FXYD2: variants seen among roughly 807,000 people sequenced by gnomAD.
FXYD2 encodes the protein sodium/potassium-transporting ATPase subunit gamma.
FXYD2 carries 8 observed loss-of-function variants against 11.8 expected under a neutral mutation model. The ratio of observed to expected loss-of-function variants is 0.68; its 90% CI spans 0.40 to 1.22. FXYD2 has a LOEUF of 1.22. Ranked by LOEUF, FXYD2 falls within the 50% of genes most tolerant of loss-of-function variation. FXYD2 has a pLI of 0.01. For missense variants in FXYD2, 92 were observed against 91.8 expected (o/e 1.00, Z -0.01); for synonymous variants, 42 against 33.3 (o/e 1.26, Z -0.90).
upstream of FXYD2, among the ~76,000 whole-genome samples, chr11:117,827,073 T>C (rs1003974257): frequency 1.5e-4 from 19 of 126,372 alleles, no homozygotes; most frequent in Non-Finnish European, 8.2e-5. Flanking sequence ...GATGGATAGA[T>C]AGATAAATAG....
upstream of FXYD2, among the ~76,000 whole-genome samples, chr11:117,826,146 T>A (rs1378471552): frequency 1.3e-5 from 2 of 152,096 alleles, no homozygotes; most frequent in African/African-American, 4.8e-5. Context: ...TGTGTGTTGA[T>A]TGAAGAAATG....
rs939468392 is a variant in FXYD2 at position 117,824,559 on chromosome 11, G to A, written c.25+95C>T. On this transcript the variant is annotated intron_variant, in intron 1 of 5. Transcript: ENST00000292079. This position sits in a 1 kb window ranked among gnomAD's most constrained non-coding sequence, Gnocchi z 4.0. ...ACTCTGGAAGGCTGAGGTGGCAGGAGAGGGAAGAGTAGGGTCCAGCTGACC... is the reference window on the plus strand; with the variant it reads ...ACTCTGGAAGGCTGAGGTGGCAGGAAAGGGAAGAGTAGGGTCCAGCTGACC... The A allele has an allele frequency of 4.8e-5, 47 of 986,764 alleles. No homozygotes were observed. The highest frequency in any genetic ancestry group is 6.6e-5 in the Non-Finnish European group (41 of 616,808). 61.1% of individuals were successfully genotyped at this position (986,764 alleles called of 1,614,324 possible). A position where few individuals can be genotyped will look rare whatever the true frequency, so the allele number is the denominator to read the frequency against.
upstream of FXYD2, among the ~76,000 whole-genome samples, chr11:117,825,132 G>A (rs1308612277): frequency 6.6e-6 from 1 of 152,214 alleles, no homozygotes; most frequent in Non-Finnish European, 1.5e-5. Flanking sequence ...CACCATGGAT[G>A]CCGCCGCTGC....
At position 117,822,198 on chromosome 11, in the gene FXYD2, A is replaced by C. The variant is rs1001652061; in HGVS notation, c.139+208T>G. 13 of 1,456,520 alleles carry C rather than the reference A, an allele frequency of 8.9e-6. No individual in the cohort carries two copies. Among genetic ancestry groups the C allele is most frequent in the Non-Finnish European group, 1.2e-5 (13 of 1,103,174 alleles). 90.2% of individuals were successfully genotyped at this position (1,456,520 alleles called of 1,614,324 possible). A position where few individuals can be genotyped will look rare whatever the true frequency, so the allele number is the denominator to read the frequency against. ...CTGCGGCTCCTCCCGGGCCCACTGGAGGGTGCACTTGAGCAAGCAGGAACC... is the reference window on the plus strand; with the variant it reads ...CTGCGGCTCCTCCCGGGCCCACTGGCGGGTGCACTTGAGCAAGCAGGAACC... On this transcript the variant is annotated intron_variant, in intron 3 of 5. Transcript: ENST00000292079. This position sits in a 1 kb window ranked among gnomAD's most constrained non-coding sequence, Gnocchi z 4.7.
upstream of FXYD2, among the ~76,000 whole-genome samples, chr11:117,825,690 AGGCAGCCTCCCCACTCC>A (rs2056022415): frequency 6.6e-6 from 1 of 152,124 alleles, no homozygotes; most frequent in South Asian, 2.1e-4. Flanking sequence ...CACACCTCGC[AGGCAGCCTCCCCACTCC>A]GCTGTGACCT....
chr11:117,822,918 A>T lies in FXYD2; in HGVS notation c.26-201T>A, dbSNP rs952384889. 6.6e-6 allele frequency among the ~76,000 whole-genome samples: 1 copy of T among 151,994 alleles called. No individual in the cohort carries two copies. Among genetic ancestry groups the T allele is most frequent in the Admixed American group, 6.5e-5 (1 of 15,268 alleles). On this transcript the variant is annotated intron_variant, in intron 1 of 5. Coordinates refer to ENST00000292079, the MANE Select transcript of FXYD2 (RefSeq NM_001680.5). This position sits in a 1 kb window ranked among gnomAD's most constrained non-coding sequence, Gnocchi z 4.7. Reference sequence around the variant, plus strand: ...CGGCTTCAGACACGCTCAACTGGGGACCAAATACCGAGTGTCCGAGGGGGA... The same window carrying T: ...CGGCTTCAGACACGCTCAACTGGGGTCCAAATACCGAGTGTCCGAGGGGGA...
chr11:117,826,242 AC>A (rs1375395253), upstream of FXYD2, among the ~76,000 whole-genome samples: 1 of 152,218 alleles, frequency 6.6e-6, no homozygotes, highest in African/African-American at 2.4e-5. Context: ...AATGAGTGAG[AC>A]GGAGAGAATG....
upstream of FXYD2, among the ~76,000 whole-genome samples, chr11:117,826,802 A>G (rs548329760): frequency 4.8e-5 from 7 of 144,872 alleles, no homozygotes; most frequent in Non-Finnish European, 1.1e-4. Context: ...CTATCTATCT[A>G]TCTATCTATC....
Position 117,820,853 on chromosome 11 carries a change from G to A in FXYD2, c.176+6C>T, listed in dbSNP as rs368170451. 33 of 1,612,360 alleles carry A rather than the reference G, an allele frequency of 2.0e-5. No homozygotes were observed. The highest frequency in any genetic ancestry group is 1.2e-4 in the African/African-American group (9 of 74,160). On this transcript the variant is annotated splice_donor_region_variant and intron_variant, in intron 4 of 5. Coordinates refer to ENST00000292079, the MANE Select transcript of FXYD2 (RefSeq NM_001680.5). ...CCCCTCATCGGTCACCCCAGGCAGC[G>A]CTCACCTGCGCTTCTTATTGCCCCC...
chr11:117,825,716 C>G (rs1409820605), upstream of FXYD2, among the ~76,000 whole-genome samples: 2 of 152,152 alleles, frequency 1.3e-5, no homozygotes, highest in Non-Finnish European at 2.9e-5. Flanking sequence ...CCGCTGTGAC[C>G]TCCTTCGCCC....
At chr11:117,821,084 T>C (rs910637865) in intron 3 of FXYD2, among the ~76,000 whole-genome samples, 189 bp from the exon 4 acceptor site, 3 of 152,088 alleles carry the variant, frequency 2.0e-5, no homozygotes, top group Admixed American at 6.6e-5. Flanking sequence ...TGAGACGGGG[T>C]CTTACTCTGT....
In FXYD2 at chr11:117,824,479, T is replaced by A. The variant is rs1350856554; in HGVS notation, c.25+175A>T. 7.4e-6 allele frequency: 5 copies of A among 676,040 alleles called. No homozygotes were observed. Among genetic ancestry groups the A allele is most frequent in the Non-Finnish European group, 1.4e-5 (5 of 368,278 alleles). The allele number at this position is 676,040 out of a possible 1,614,324, so 41.9% of individuals were successfully genotyped here. A position where few individuals can be genotyped will look rare whatever the true frequency, so the allele number is the denominator to read the frequency against. On this transcript the variant is annotated intron_variant, in intron 1 of 5. Coordinates refer to ENST00000292079, the MANE Select transcript of FXYD2 (RefSeq NM_001680.5). This position sits in a 1 kb window ranked among gnomAD's most constrained non-coding sequence, Gnocchi z 4.0. The stretch of plus-strand genomic sequence containing the variant: ...TTTCTTTGGGGTTAAAGCAGGGTCC[T>A]CCTTTAAGTTGCAAATTTTCTTAGA...
chr11:117,824,492 A>G lies in FXYD2; in HGVS notation c.25+162T>C. ...AAAGCAGGGTCCTCCTTTAAGTTGCAAATTTTCTTAGAGAGGAGGCCGACA... is the reference window on the plus strand; with the variant it reads ...AAAGCAGGGTCCTCCTTTAAGTTGCGAATTTTCTTAGAGAGGAGGCCGACA... On this transcript the variant is annotated intron_variant, in intron 1 of 5. Transcript: ENST00000292079. The surrounding 1 kb of genome is among the most constrained non-coding windows in gnomAD (Gnocchi z 4.0). 2.9e-6 allele frequency: 2 copies of G among 698,188 alleles called. No individual in the cohort carries two copies. The highest frequency in any genetic ancestry group is 5.2e-6 in the Non-Finnish European group (2 of 382,118). The allele number at this position is 698,188 out of a possible 1,614,324, so 43.2% of individuals were successfully genotyped here.
chr11:117,825,857 C>T (rs528322812), upstream of FXYD2, among the ~76,000 whole-genome samples: 3 of 152,318 alleles, frequency 2.0e-5, 1 homozygote, highest in East Asian at 3.9e-4. Context: ...CAGCGGACAG[C>T]AGGGGAGCTT....
rs773683745 is a variant in FXYD2 at position 117,822,689 on chromosome 11, C to G, written c.54G>C (p.Pro18=). ...GGGGCCCAGGCTTACCATAGTAGAA[C>G]GGGTCCACGTCCCCCTTGGGGCTGC... The part of the protein sequence containing the change: ...GGGSPKGDVD[P]FYYDYETVRN... Residue 18 remains proline, a synonymous_variant, in exon 2 of 6, where the codon CCG becomes CCC. Coordinates refer to ENST00000292079, the MANE Select transcript of FXYD2 (RefSeq NM_001680.5). This position sits in a 1 kb window ranked among gnomAD's most constrained non-coding sequence, Gnocchi z 4.7. 1.2e-6 allele frequency: 2 copies of G among 1,610,472 alleles called. No individual in the cohort carries two copies. The highest frequency in any genetic ancestry group is 1.1e-5 in the South Asian group (1 of 89,898).
chr11:117,822,020 G>A lies in FXYD2; in HGVS notation c.139+386C>T, dbSNP rs2055917719. On this transcript the variant is annotated intron_variant, in intron 3 of 5. Transcript: ENST00000292079. This position sits in a 1 kb window ranked among gnomAD's most constrained non-coding sequence, Gnocchi z 4.7. ...CCGTTCTCAGAGCGCTGTCCTGACT[G>A]CCATGTCTTTGGATGCTAGCCCTAA... 1 of 1,195,362 alleles carries A rather than the reference G, an allele frequency of 8.4e-7. No individual in the cohort carries two copies. Among genetic ancestry groups the A allele is most frequent in the Non-Finnish European group, 1.1e-6 (1 of 949,638 alleles). 74.0% of individuals were successfully genotyped at this position (1,195,362 alleles called of 1,614,324 possible).
At chr11:117,828,062 C>T (rs188436480), upstream of FXYD2, 23 of 1,550,048 alleles carry the variant, frequency 1.5e-5, no homozygotes, top group Admixed American at 4.3e-4. Flanking sequence ...CAGGGAGGTG[C>T]TGCTTGCCTG....
chr11:117,824,924 C>G (rs1325110849), upstream of FXYD2, among the ~76,000 whole-genome samples: 3 of 152,166 alleles, frequency 2.0e-5, no homozygotes, highest in African/African-American at 7.2e-5. This position sits in a 1 kb window ranked among gnomAD's most constrained non-coding sequence, Gnocchi z 4.0. Context: ...CCAAACCTTC[C>G]CAAAGGAAAT....
rs1347618976 is a variant in FXYD2, at chr11:117,822,608, C to A, written c.64+71G>T. The A allele has an allele frequency of 6.3e-7, 1 of 1,583,590 alleles. No homozygotes were observed. Among genetic ancestry groups the A allele is most frequent in the Admixed American group, 1.9e-5 (1 of 53,504 alleles). ...AGGGGCACAGAGCATGGACCTGGGG[C>A]TGGGAGAGGCCGCTGCTTGGTGGAA... is the stretch of plus-strand genomic sequence containing the variant. On this transcript the variant is annotated intron_variant, in intron 2 of 5. Transcript: ENST00000292079. This position sits in a 1 kb window ranked among gnomAD's most constrained non-coding sequence, Gnocchi z 4.7.
Sources: allele counts gnomAD v4.1 joint callset (sites outside exome capture counted in the v4.1 genomes callset), GRCh38; gene constraint gnomAD v4.1.1; non-coding constraint Gnocchi (gnomAD v3.1); transcripts MANE v1.5; gene names NCBI Gene and HGNC (gene_info 2026-07-23, HGNC 2026-07-21).